Variants in PRH1 observed in about 807,000 individuals in gnomAD.
PRH1 encodes the protein proline rich protein HaeIII subfamily 1.
Under a neutral mutation model 7.9 loss-of-function variants are expected in PRH1, and 7 were observed. That is an observed-to-expected ratio of 0.89 (90% CI 0.50 to 1.67). The LOEUF is 1.67. Ranked by LOEUF, PRH1 falls within the 40% of genes most tolerant of loss-of-function variation. The pLI, the probability that PRH1 is intolerant of heterozygous loss-of-function variation, is 0.00. For synonymous variants in PRH1, 45 were observed against 80.8 expected, an observed-to-expected ratio of 0.56 and a Z score of 2.38; for missense variants, 109 against 223.6, an observed-to-expected ratio of 0.49 and a Z score of 3.27.
intron 1 of PRH1, among the ~76,000 whole-genome samples, chr12:11,100,204 A>G (rs142729355): frequency 6.6e-6 from 1 of 152,198 alleles, no homozygotes; most frequent in South Asian, 2.1e-4. Context: ...AATGCATCAT[A>G]AACAGTCAAC....
intron 2 of PRH1, among the ~76,000 whole-genome samples, chr12:10,906,618 T>C (rs569412187): frequency 2.6e-5 from 4 of 152,204 alleles, no homozygotes; most frequent in Admixed American, 1.3e-4. Flanking sequence ...CCCCATACTG[T>C]TCTCATGGTA....
At chr12:11,100,400 G>A (rs1565653591) in intron 1 of PRH1, among the ~76,000 whole-genome samples, 1 of 152,162 alleles carries the variant, frequency 6.6e-6, no homozygotes, top group Non-Finnish European at 1.5e-5. Flanking sequence ...GATTTGATGT[G>A]AGGAGTTTTT....
chr12:11,035,529 G>A (rs1942400041), intron 1 of PRH1, among the ~76,000 whole-genome samples: 1 of 152,054 alleles, frequency 6.6e-6, no homozygotes, highest in South Asian at 2.1e-4. Flanking sequence ...TTCTAACGGA[G>A]AAACTAAACC....
chr12:10,993,515 T>C (rs1940046162), intron 1 of PRH1, among the ~76,000 whole-genome samples: 2 of 152,202 alleles, frequency 1.3e-5, no homozygotes, highest in African/African-American at 4.8e-5. Context: ...ATGATGATTT[T>C]AGGGGTCCAG....
At chr12:10,979,657 A>C (rs750919168) in intron 1 of PRH1, among the ~76,000 whole-genome samples, 1 of 152,244 alleles carries the variant, frequency 6.6e-6, no homozygotes, top group Non-Finnish European at 1.5e-5. Flanking sequence ...TACATTGAGA[A>C]TACATCAGGG....
chr12:10,917,192 T>C (rs1402172508), intron 2 of PRH1, among the ~76,000 whole-genome samples: 4 of 152,198 alleles, frequency 2.6e-5, no homozygotes, highest in African/African-American at 9.6e-5. Context: ...ATCCTGTTCC[T>C]TGCCAATTAA....
At chr12:11,019,219 C>T (rs910903726) in intron 1 of PRH1, among the ~76,000 whole-genome samples, 4 of 152,278 alleles carry the variant, frequency 2.6e-5, no homozygotes, top group African/African-American at 9.6e-5. Flanking sequence ...TTGTGGCTTC[C>T]CCTTGTAACC....
rs368045624 is a variant in PRH1 at position 11,151,090 on chromosome 12, G to A, written n.39+20332C>T. The stretch of plus-strand genomic sequence containing the variant: ...CTGCTTGAAGCTGCTCCAAGGAGAT[G>A]AGTGCAGCCTGACTGCATTTCCCCT... On this transcript the variant is annotated intron_variant and non_coding_transcript_variant, in intron 1 of 1. Transcript: ENST00000541175. 3.3e-5 allele frequency among the ~76,000 whole-genome samples: 5 copies of A among 152,172 alleles called. No individual in the cohort carries two copies. In the East Asian group the frequency reaches 7.7e-4, roughly 23 times the overall value.
At chr12:10,930,555 A>T in intron 2 of PRH1, 1 of 1,548,634 alleles carries the variant, frequency 6.5e-7, no homozygotes, top group Non-Finnish European at 8.7e-7. Flanking sequence ...GGGAGTTGAG[A>T]GGCAGGTCAG....
chr12:10,931,686 C>G (rs371471569), intron 2 of PRH1, among the ~76,000 whole-genome samples: 1 of 152,294 alleles, frequency 6.6e-6, no homozygotes, highest in East Asian at 1.9e-4. Flanking sequence ...ATATTTATTG[C>G]TACATAACTA....
Position 11,089,348 on chromosome 12 carries a change from G to A in PRH1, n.124-42160C>T, listed in dbSNP as rs1316022866. Among the ~76,000 whole-genome samples the A allele has an allele frequency of 6.9e-5, 8 of 116,032 alleles. 1 individual carries two copies. Among genetic ancestry groups the A allele is most frequent in the African/African-American group, 2.3e-4 (8 of 34,608 alleles). The allele number at this position is 116,032 out of a possible 152,430, so 76.1% of individuals were successfully genotyped here. ...GAAATAGAAGACTAATGACAGCCGA[G>A]CAGATACATTCTCCCTCCTCTCTCA... is the stretch of plus-strand genomic sequence containing the variant. On this transcript the variant is annotated intron_variant and non_coding_transcript_variant, in intron 1 of 4. Coordinates refer to the PRH1 transcript ENST00000541977.
At position 11,147,260 on chromosome 12, in the gene PRH1, G is replaced by A. The variant is rs539609125; in HGVS notation, n.39+24162C>T. Among the ~76,000 whole-genome samples, 401 of 152,124 alleles carry A rather than the reference G, an allele frequency of 2.6e-3. 1 individual carries two copies. The highest frequency in any genetic ancestry group is 9.3e-3 in the African/African-American group (385 of 41,508). The stretch of plus-strand genomic sequence containing the variant: ...GGCTGGAGTGCAGTGGCACGATCTC[G>A]GCTCACTGCAGCATCAGCCTCCCAA... On this transcript the variant is annotated intron_variant and non_coding_transcript_variant, in intron 1 of 1. Coordinates refer to the PRH1 transcript ENST00000541175.
rs1311505705 is a variant in PRH1 at position 11,164,510 on chromosome 12, T to A, written n.39+6912A>T. On this transcript the variant is annotated intron_variant and non_coding_transcript_variant, in intron 1 of 1. Coordinates refer to the PRH1 transcript ENST00000541175. ...TCTGTTGGATCTGTTTATTTGGAGATCCCTGACTAATACAGTAGCCTGCAT... is the reference window on the plus strand; with the variant it reads ...TCTGTTGGATCTGTTTATTTGGAGAACCCTGACTAATACAGTAGCCTGCAT... Among the ~76,000 whole-genome samples the A allele has an allele frequency of 7.2e-5, 11 of 152,300 alleles. No individual in the cohort carries two copies. In the East Asian group the frequency reaches 1.5e-3, roughly 21 times the overall value.
intron 1 of PRH1, among the ~76,000 whole-genome samples, chr12:11,147,295 C>T (rs535925562): frequency 6.6e-6 from 1 of 152,136 alleles, no homozygotes; most frequent in Admixed American, 6.5e-5. Flanking sequence ...AGATCAGATC[C>T]TCCCACCTCA....
At chr12:11,001,343 G>T (rs925929392) in intron 1 of PRH1, among the ~76,000 whole-genome samples, 4 of 152,080 alleles carry the variant, frequency 2.6e-5, no homozygotes, top group Non-Finnish European at 5.9e-5. Flanking sequence ...ATTAGCAGAA[G>T]TGGAGCTCTG....
intron 1 of PRH1, among the ~76,000 whole-genome samples, chr12:11,138,946 G>A (rs1946631568): frequency 6.6e-6 from 1 of 152,270 alleles, no homozygotes; most frequent in East Asian, 1.9e-4. Flanking sequence ...AGGCTGAACT[G>A]AGAGAATCAC....
In PRH1 at chr12:11,030,924, G is replaced by C. The variant is rs1301843766; in HGVS notation, c.-126+16096C>G. 3.7e-6 allele frequency: 6 copies of C among 1,614,206 alleles called. 1 individual carries two copies. In the South Asian group the frequency reaches 5.5e-5, roughly 15 times the overall value. On this transcript the variant is annotated intron_variant, in intron 1 of 3. Transcript: ENST00000539853. ...ACAAAAAGTTGACAAGCCAAAAATA[G>C]TAAAGGCCCCAACAGCATCACCAGA...
intron 1 of PRH1, chr12:11,030,940 C>A (rs188222600): frequency 6.2e-7 from 1 of 1,614,268 alleles, no homozygotes; most frequent in Admixed American, 1.7e-5. Context: ...GCCCCAACAG[C>A]ATCACCAGAA....
At chr12:10,910,850 T>C (rs1004292612) in intron 2 of PRH1, among the ~76,000 whole-genome samples, 2 of 152,204 alleles carry the variant, frequency 1.3e-5, no homozygotes, top group African/African-American at 4.8e-5. Context: ...GAATTATGAA[T>C]GTTTGTATTT....
Sources: allele counts gnomAD v4.1 joint callset (sites outside exome capture counted in the v4.1 genomes callset), GRCh38; gene constraint gnomAD v4.1.1; transcripts MANE v1.5; gene names NCBI Gene and HGNC (gene_info 2026-07-23, HGNC 2026-07-21).